ERAP1: variants seen among roughly 807,000 people sequenced by gnomAD.
ERAP1 encodes the protein adipocyte-derived leucine aminopeptidase.
Under a neutral mutation model 103.7 loss-of-function variants are expected in ERAP1, and 86 were observed. The ratio of observed to expected loss-of-function variants is 0.83; its 90% CI spans 0.70 to 0.99. The LOEUF (loss-of-function observed/expected upper bound fraction) is 0.99, where lower values mean the gene tolerates loss of function less well. Among genes scored for constraint, ERAP1 ranks in the 50% least tolerant of loss-of-function variants. ERAP1 has a pLI of 0.00. For synonymous variants in ERAP1, 398 were observed against 402.4 expected, an observed-to-expected ratio of 0.99 and a Z score of 0.13; for missense variants, 1,009 against 1,128.4, an observed-to-expected ratio of 0.89 and a Z score of 1.52.
chr5:96,788,520 A>T lies in ERAP1; in HGVS notation c.1679+11T>A. On this transcript the variant is annotated intron_variant, in intron 11 of 18. Coordinates refer to ENST00000443439, the MANE Select transcript of ERAP1 (RefSeq NM_001040458.3). The stretch of plus-strand genomic sequence containing the variant: ...TAGACAACAAAACAAATTTTACTCT[A>T]GGAGCATTACCCAGTGTCCGGGGCG... 6.2e-7 allele frequency: 1 copy of T among 1,614,048 alleles called. No individual in the cohort carries two copies. The highest frequency in any genetic ancestry group is 8.5e-7 in the Non-Finnish European group (1 of 1,180,026).
chr5:96,903,345 A>G, the ERAP1 span: 4 of 1,544,022 alleles, frequency 2.6e-6, no homozygotes, highest in Non-Finnish European at 3.5e-6. Context: ...TTTGTTGATA[A>G]TAAAATGCCT....
At chr5:96,897,690 A>G in the ERAP1 span, among the ~76,000 whole-genome samples, 1 of 152,210 alleles carries the variant, frequency 6.6e-6, no homozygotes, top group Non-Finnish European at 1.5e-5. Flanking sequence ...CAGTTAATTC[A>G]GATGATTCTA....
chr5:96,901,667 G>C, the ERAP1 span: 1 of 1,613,808 alleles, frequency 6.2e-7, no homozygotes, highest in Non-Finnish European at 8.5e-7. Context: ...CTGAATGGAG[G>C]GCCCTGCAGG....
At chr5:96,815,421 T>A in the ERAP1 span, among the ~76,000 whole-genome samples, 11 of 144,028 alleles carry the variant, frequency 7.6e-5, no homozygotes, top group African/African-American at 2.0e-4. Context: ...TTTATTTTTT[T>A]TTTTTTTGAG....
the ERAP1 span, chr5:96,879,944 AC>A: frequency 1.9e-6 from 3 of 1,613,124 alleles, no homozygotes; most frequent in Non-Finnish European, 2.5e-6. Flanking sequence ...CCCCAATCTC[AC>A]CTCTCTGGAC....
At chr5:96,896,752 G>A in the ERAP1 span, 1 of 1,569,240 alleles carries the variant, frequency 6.4e-7, no homozygotes, top group African/African-American at 1.4e-5. Flanking sequence ...TTTTGAATAT[G>A]CTCAAGGATT....
the ERAP1 span, chr5:96,903,244 A>G: frequency 4.6e-6 from 3 of 646,196 alleles, no homozygotes; most frequent in East Asian, 2.9e-5. Flanking sequence ...ACGAAAATGA[A>G]TATCATTATG....
the ERAP1 span, among the ~76,000 whole-genome samples, chr5:96,854,404 G>A: frequency 5.8e-4 from 88 of 152,052 alleles, no homozygotes; most frequent in African/African-American, 2.0e-3. Flanking sequence ...CTTTGAGCAG[G>A]TCTATGCACT....
At chr5:96,912,430 T>C in the ERAP1 span, among the ~76,000 whole-genome samples, 2 of 152,142 alleles carry the variant, frequency 1.3e-5, no homozygotes, top group African/African-American at 2.4e-5. Flanking sequence ...GCTAACATTT[T>C]ATCATCAGTA....
intron 2 of ERAP1, among the ~76,000 whole-genome samples, chr5:96,802,263 A>G (rs1778092705): frequency 6.6e-6 from 1 of 152,146 alleles, no homozygotes; most frequent in South Asian, 2.1e-4. Context: ...TTAATGTACA[A>G]CTATGTATTT....
At chr5:96,859,060 T>TACAC in the ERAP1 span, among the ~76,000 whole-genome samples, 1,729 of 144,784 alleles carry the variant, frequency 0.012, 19 homozygotes, top group Admixed American at 0.016. Context: ...GCCACATGCA[T>TACAC]ACACACACAC....
At chr5:96,853,805 A>G in the ERAP1 span, among the ~76,000 whole-genome samples, 1 of 151,460 alleles carries the variant, frequency 6.6e-6, no homozygotes, top group African/African-American at 2.4e-5. Flanking sequence ...AGTAGAAGAC[A>G]CAGTTACAAG....
At chr5:96,924,557 C>T in the ERAP1 span, among the ~76,000 whole-genome samples, 1 of 151,730 alleles carries the variant, frequency 6.6e-6, no homozygotes, top group Admixed American at 6.6e-5. Context: ...GTATAAACAT[C>T]TCTCTAGAAA....
the ERAP1 span, among the ~76,000 whole-genome samples, chr5:96,931,181 G>A: frequency 1.3e-5 from 2 of 150,594 alleles, no homozygotes; most frequent in Non-Finnish European, 3.0e-5. Context: ...TTCCCAGACA[G>A]GATCTCACTC....
At chr5:96,834,552 T>G in the ERAP1 span, among the ~76,000 whole-genome samples, 2 of 152,216 alleles carry the variant, frequency 1.3e-5, no homozygotes, top group South Asian at 2.1e-4. Flanking sequence ...GTATGTGAAC[T>G]TATACTGAGA....
In ERAP1 at chr5:96,785,651, G is replaced by T. The variant is rs113070375; in HGVS notation, c.1943+137C>A. On this transcript the variant is annotated intron_variant, in intron 13 of 18. Transcript: ENST00000443439. ...ATTATAAGACTAAAAGCAATCTTGGGTTGTTAGAAGAACTTAAAGGAAAAC... is the reference window on the plus strand; with the variant it reads ...ATTATAAGACTAAAAGCAATCTTGGTTTGTTAGAAGAACTTAAAGGAAAAC... The T allele has an allele frequency of 3.3e-5, 29 of 877,386 alleles. No homozygotes were observed. The African/African-American group carries it at 4.2e-4, about 13-fold the overall frequency. The allele number at this position is 877,386 out of a possible 1,614,324, so 54.4% of individuals were successfully genotyped here.
chr5:96,844,055 C>T, the ERAP1 span, among the ~76,000 whole-genome samples: 1 of 152,210 alleles, frequency 6.6e-6, no homozygotes, highest in African/African-American at 2.4e-5. Context: ...TAAGCCTGAA[C>T]TGCCTAATTC....
chr5:96,807,354 G>C (rs1778746174), intron 1 of ERAP1, among the ~76,000 whole-genome samples: 1 of 152,178 alleles, frequency 6.6e-6, no homozygotes, highest in Admixed American at 6.5e-5. Flanking sequence ...TTAACCCAAA[G>C]CCTCTGGGTT....
At chr5:96,917,368 A>G in the ERAP1 span, 1 of 1,217,552 alleles carries the variant, frequency 8.2e-7, no homozygotes. Flanking sequence ...TGATCTGCCC[A>G]CCTTGGCCTC....
Sources: allele counts gnomAD v4.1 joint callset (sites outside exome capture counted in the v4.1 genomes callset), GRCh38; gene constraint gnomAD v4.1.1; transcripts MANE v1.5; gene names NCBI Gene and HGNC (gene_info 2026-07-23, HGNC 2026-07-21).